RIT2: variants seen among roughly 807,000 people sequenced by gnomAD.
RIT2 encodes GTP-binding protein Rit2.
RIT2 carries 24 observed loss-of-function variants against 23.7 expected under a neutral mutation model. That is an observed-to-expected ratio of 1.01 (90% confidence interval 0.73 to 1.43). The LOEUF is 1.43. Ranked by LOEUF, RIT2 falls within the 40% of genes most tolerant of loss-of-function variation. The probability of loss-of-function intolerance (pLI) is 0.00; values close to 1 mark genes in which losing one functional copy is unlikely to be tolerated. For missense variants in RIT2, 236 were observed against 266.9 expected (o/e 0.88, Z 0.81); for synonymous variants, 107 against 91.1 (o/e 1.17, Z -0.99).
At chr18:42,995,463 G>T (rs148489083) in intron 2 of RIT2, among the ~76,000 whole-genome samples, 2,054 of 152,256 alleles carry the variant, frequency 0.013, 57 homozygotes, top group African/African-American at 0.046. Flanking sequence ...CTTCCCTTCT[G>T]TCAGACATAA....
chr18:42,766,934 C>G (rs1229593089), intron 4 of RIT2, among the ~76,000 whole-genome samples: 2 of 152,154 alleles, frequency 1.3e-5, no homozygotes, highest in African/African-American at 4.8e-5. Context: ...TGTAGGTGCA[C>G]AGAAGTCAAT....
chr18:43,024,486 TTTGGACATTAGCC>T (rs1476118885), intron 2 of RIT2, among the ~76,000 whole-genome samples: 1 of 151,972 alleles, frequency 6.6e-6, no homozygotes, highest in Non-Finnish European at 1.5e-5. Flanking sequence ...GAAAAACTCT[TTTGGACATTAGCC>T]TTGGCAAGTA....
chr18:43,065,188 C>A, intron 1 of RIT2, among the ~76,000 whole-genome samples: 1 of 146,744 alleles, frequency 6.8e-6, no homozygotes, highest in East Asian at 2.0e-4. Flanking sequence ...ACATTATAAG[C>A]TCTGTTCAGC....
intron 2 of RIT2, among the ~76,000 whole-genome samples, chr18:43,032,324 G>C (rs187334963): frequency 6.6e-6 from 1 of 152,022 alleles, no homozygotes; most frequent in Non-Finnish European, 1.5e-5. Context: ...TGTTAGACGT[G>C]AGAGGTTGAT....
At chr18:42,788,299 G>A (rs1477274799) in intron 4 of RIT2, among the ~76,000 whole-genome samples, 1 of 152,124 alleles carries the variant, frequency 6.6e-6, no homozygotes, top group Non-Finnish European at 1.5e-5. Context: ...TTGGGAGAGG[G>A]AAAAGTATTT....
chr18:42,889,230 C>T (rs1040729027), intron 4 of RIT2, among the ~76,000 whole-genome samples: 1 of 152,016 alleles, frequency 6.6e-6, no homozygotes, highest in Admixed American at 6.6e-5. Flanking sequence ...GGCTATCCAG[C>T]TTTCCTCGGG....
At chr18:43,052,442 CTCTA>C (rs1233094920) in intron 1 of RIT2, among the ~76,000 whole-genome samples, 2 of 152,142 alleles carry the variant, frequency 1.3e-5, no homozygotes, top group Admixed American at 6.5e-5. Context: ...TATTTCCTAA[CTCTA>C]TCTTTTTGAA....
At chr18:42,855,244 G>T (rs749069951) in intron 4 of RIT2, among the ~76,000 whole-genome samples, 7 of 152,158 alleles carry the variant, frequency 4.6e-5, no homozygotes, top group Admixed American at 1.3e-4. Context: ...CTTTTTTGAG[G>T]TTAGATTATT....
chr18:43,040,513 C>T (rs1343614804), intron 1 of RIT2, among the ~76,000 whole-genome samples: 1 of 152,138 alleles, frequency 6.6e-6, no homozygotes, highest in Non-Finnish European at 1.5e-5. Flanking sequence ...CTCAGAACTT[C>T]AAGGCCTCCT....
Position 42,943,543 on chromosome 18 carries a change from T to C in RIT2, c.235-19780A>G, listed in dbSNP as rs182764076. On this transcript the variant is annotated intron_variant, in intron 3 of 4. Coordinates refer to ENST00000326695, the MANE Select transcript of RIT2 (RefSeq NM_002930.4). Reference sequence around the variant, plus strand: ...ATTGTCACCCCTGAATCAACACAAATTGGGTAAATAATTCTTTTACATGTT... The same window carrying C: ...ATTGTCACCCCTGAATCAACACAAACTGGGTAAATAATTCTTTTACATGTT... Among the ~76,000 whole-genome samples the C allele has an allele frequency of 3.3e-5, 5 of 152,248 alleles. No individual in the cohort carries two copies. In the East Asian group the frequency reaches 7.7e-4, roughly 24 times the overall value.
chr18:43,093,972 G>A (rs1475565475), intron 1 of RIT2, among the ~76,000 whole-genome samples: 1 of 151,956 alleles, frequency 6.6e-6, no homozygotes, highest in Admixed American at 6.6e-5. Flanking sequence ...CTGGGGTAAG[G>A]CAGGCACAGA....
At chr18:43,089,236 G>A (rs1400877564) in intron 1 of RIT2, among the ~76,000 whole-genome samples, 1 of 151,964 alleles carries the variant, frequency 6.6e-6, no homozygotes, top group African/African-American at 2.4e-5. Flanking sequence ...GATAAACAAT[G>A]TCAGCAAAGT....
At chr18:42,853,009 T>C (rs1907096733) in intron 4 of RIT2, among the ~76,000 whole-genome samples, 1 of 152,032 alleles carries the variant, frequency 6.6e-6, no homozygotes, top group Admixed American at 6.6e-5. Flanking sequence ...AATTTTTATG[T>C]TTTTAGTAGA....
intron 3 of RIT2, among the ~76,000 whole-genome samples, chr18:42,948,242 A>G (rs892547393): frequency 1.3e-5 from 2 of 152,116 alleles, no homozygotes; most frequent in African/African-American, 2.4e-5. Flanking sequence ...CTTAAATAAT[A>G]TAATGTCCTG....
At chr18:43,058,925 G>A (rs4550546) in intron 1 of RIT2, among the ~76,000 whole-genome samples, 89,092 of 151,648 alleles carry the variant, frequency 0.59, 27,914 homozygotes, top group Non-Finnish European at 0.72. Context: ...TCAATACATT[G>A]AACCCTTGAG....
At chr18:42,858,819 T>C (rs920471057) in intron 4 of RIT2, among the ~76,000 whole-genome samples, 10 of 152,236 alleles carry the variant, frequency 6.6e-5, no homozygotes, top group African/African-American at 2.4e-4. Context: ...TGGTCTTTTA[T>C]GTCTGTATTG....
chr18:42,926,271 T>C (rs1366085820), intron 3 of RIT2, among the ~76,000 whole-genome samples: 1 of 151,958 alleles, frequency 6.6e-6, no homozygotes, highest in Non-Finnish European at 1.5e-5. Flanking sequence ...CTTTTACAAA[T>C]TGTAGAATTG....
At chr18:42,860,684 T>C (rs1907302849) in intron 4 of RIT2, among the ~76,000 whole-genome samples, 1 of 152,186 alleles carries the variant, frequency 6.6e-6, no homozygotes, top group South Asian at 2.1e-4. Context: ...TCAGTTTCTA[T>C]GTAGTCTCTA....
rs999346793 is a variant in RIT2 at position 43,034,993 on chromosome 18, CTT to C, written c.104-1128_104-1127del. Among the ~76,000 whole-genome samples, 5 of 152,324 alleles carry C rather than the reference CTT, an allele frequency of 3.3e-5. No individual in the cohort carries two copies. In the South Asian group the frequency reaches 8.3e-4, roughly 25 times the overall value. On this transcript the variant is annotated intron_variant, in intron 1 of 4. Coordinates refer to ENST00000326695, the MANE Select transcript of RIT2 (RefSeq NM_002930.4). ...TGAGCCCAGTTCTATACTGAGGACT[CTT>C]TTCCCTTATGGAAATAGTTCCTGGA... is the stretch of plus-strand genomic sequence containing the variant.
Sources: allele counts gnomAD v4.1 joint callset (sites outside exome capture counted in the v4.1 genomes callset), GRCh38; gene constraint gnomAD v4.1.1; transcripts MANE v1.5; gene names NCBI Gene and HGNC (gene_info 2026-07-23, HGNC 2026-07-21).